MAGI1: variants seen among roughly 807,000 people sequenced by gnomAD.
MAGI1 encodes membrane associated guanylate kinase, WW and PDZ domain containing 1, also known as membrane-associated guanylate kinase, WW and PDZ domain-containing protein 1.
Under a neutral mutation model 139.9 loss-of-function variants are expected in MAGI1, and 58 were observed. The observed-to-expected ratio is 0.41, with a 90% CI of 0.34 to 0.52. The LOEUF is 0.52. Among genes scored for constraint, MAGI1 ranks in the 20% least tolerant of loss-of-function variants. The pLI is 0.12. For missense variants in MAGI1, 1,874 were observed against 1,901.6 expected (o/e 0.99, Z 0.27); for synonymous variants, 812 against 737.9 (o/e 1.10, Z -1.63).
chr3:66,032,165 T>C (rs575231111), intron 1 of MAGI1, among the ~76,000 whole-genome samples: 175 of 152,208 alleles, frequency 1.1e-3, no homozygotes, highest in African/African-American at 4.2e-3. Context: ...TCCGAAACAA[T>C]GGAATAGTCA....
intron 2 of MAGI1, among the ~76,000 whole-genome samples, chr3:65,530,657 GTGTGTATATA>G (rs2078619071): frequency 3.0e-5 from 2 of 67,144 alleles, no homozygotes; most frequent in Admixed American, 1.6e-4. Context: ...GTGTGTGTGT[GTGTGTATATA>G]TATATACATA....
intron 1 of MAGI1, among the ~76,000 whole-genome samples, chr3:66,007,468 A>G (rs2067086053): frequency 6.6e-6 from 1 of 152,224 alleles, no homozygotes; most frequent in African/African-American, 2.4e-5. Flanking sequence ...ACACTTGGAC[A>G]CAGCATGTCA....
intron 12 of MAGI1, among the ~76,000 whole-genome samples, chr3:65,423,520 G>A (rs150620248): frequency 1.2e-4 from 18 of 152,300 alleles, no homozygotes; most frequent in African/African-American, 3.8e-4. Flanking sequence ...AGAATTAAGA[G>A]GCATTACTTT....
At chr3:65,425,567 C>G (rs1317102814) in intron 12 of MAGI1, among the ~76,000 whole-genome samples, 1 of 152,172 alleles carries the variant, frequency 6.6e-6, no homozygotes, top group African/African-American at 2.4e-5. Context: ...TAGTACCCTT[C>G]TGAAGCATAT....
At chr3:65,885,120 C>T (rs943442244) in intron 1 of MAGI1, among the ~76,000 whole-genome samples, 4 of 152,054 alleles carry the variant, frequency 2.6e-5, no homozygotes, top group East Asian at 3.9e-4. Context: ...GTTTTCAGGT[C>T]GGGCGCAGCA....
At chr3:65,753,528 C>T (rs761496958) in intron 1 of MAGI1, among the ~76,000 whole-genome samples, 4 of 151,942 alleles carry the variant, frequency 2.6e-5, no homozygotes, top group Non-Finnish European at 4.4e-5. Context: ...TCGAGACCAG[C>T]CTGACCAACA....
chr3:66,012,581 C>T (rs897478816), intron 1 of MAGI1, among the ~76,000 whole-genome samples: 6 of 152,124 alleles, frequency 3.9e-5, no homozygotes, highest in Non-Finnish European at 8.8e-5. Context: ...GCCTGGCCAA[C>T]ATGGCGAAAC....
intron 2 of MAGI1, among the ~76,000 whole-genome samples, chr3:65,574,607 G>T (rs1043157121): frequency 6.6e-6 from 1 of 151,890 alleles, no homozygotes; most frequent in African/African-American, 2.4e-5. Context: ...TGGACAAAGT[G>T]ATTCTAAAAT....
rs1461883627 is a variant in MAGI1, at chr3:65,642,994, G to C, written c.314-20906C>G. Among the ~76,000 whole-genome samples, 3 of 152,218 alleles carry C rather than the reference G, an allele frequency of 2.0e-5. No individual in the cohort carries two copies. The East Asian group carries it at 5.8e-4, about 29-fold the overall frequency. On this transcript the variant is annotated intron_variant, in intron 1 of 22. Coordinates refer to ENST00000402939, the MANE Select transcript of MAGI1 (RefSeq NM_001033057.2). ...GAACAAGCCCTAACATAATATGCCA[G>C]AGAACACGTTTGACAAAACAGAAGT...
chr3:65,496,365 T>C (rs554949846), intron 2 of MAGI1, among the ~76,000 whole-genome samples: 1 of 152,254 alleles, frequency 6.6e-6, no homozygotes, highest in South Asian at 2.1e-4. Flanking sequence ...TAAAGCTCTT[T>C]GACTTCAAGG....
intron 10 of MAGI1, among the ~76,000 whole-genome samples, chr3:65,434,115 G>T (rs1947664416): frequency 6.6e-6 from 1 of 152,120 alleles, no homozygotes; most frequent in African/African-American, 2.4e-5. Flanking sequence ...CTTTCAAACA[G>T]AAGTTAAACT....
intron 16 of MAGI1, among the ~76,000 whole-genome samples, chr3:65,380,528 C>A (rs1185952184): frequency 6.6e-6 from 1 of 152,122 alleles, no homozygotes; most frequent in East Asian, 1.9e-4. Flanking sequence ...TCCTCCACCC[C>A]CCACCAACCA....
intron 1 of MAGI1, among the ~76,000 whole-genome samples, chr3:65,717,796 A>C (rs2032456662): frequency 6.6e-6 from 1 of 152,174 alleles, no homozygotes; most frequent in African/African-American, 2.4e-5. Context: ...TCCTGAACTA[A>C]TCACAGTGGC....
At chr3:65,478,207 T>C (rs562366074) in intron 4 of MAGI1, among the ~76,000 whole-genome samples, 12 of 152,206 alleles carry the variant, frequency 7.9e-5, no homozygotes, top group African/African-American at 2.9e-4. Context: ...TCTCATATTT[T>C]GCTTCATAGC....
intron 1 of MAGI1, among the ~76,000 whole-genome samples, chr3:66,025,364 C>A (rs1013246229): frequency 1.4e-5 from 2 of 145,676 alleles, no homozygotes; most frequent in South Asian, 2.3e-4. Flanking sequence ...GACAGTGAAA[C>A]CCTGTCTCTA....
chr3:65,809,608 GA>G (rs2041090604), intron 1 of MAGI1, among the ~76,000 whole-genome samples: 1 of 152,100 alleles, frequency 6.6e-6, no homozygotes, highest in Admixed American at 6.6e-5. Context: ...AGCTGTGATG[GA>G]AAACTCAACT....
chr3:65,756,445 G>A (rs969748121), intron 1 of MAGI1, among the ~76,000 whole-genome samples: 2 of 152,140 alleles, frequency 1.3e-5, no homozygotes, highest in Admixed American at 6.6e-5. Context: ...AAAAACATGA[G>A]CAAAGGTCAT....
At chr3:65,822,921 A>G (rs2042025837) in intron 1 of MAGI1, among the ~76,000 whole-genome samples, 2 of 152,196 alleles carry the variant, frequency 1.3e-5, no homozygotes, top group African/African-American at 4.8e-5. Flanking sequence ...GGGGATTACA[A>G]TTTGACATGA....
chr3:65,415,868 C>T (rs564627945), intron 12 of MAGI1, among the ~76,000 whole-genome samples: 6 of 152,138 alleles, frequency 3.9e-5, no homozygotes, highest in Non-Finnish European at 8.8e-5. Context: ...ATAAAACAGC[C>T]TTCTCTTCCT....
Sources: gnomAD v4.1 joint callset for allele counts (sites outside exome capture counted in the v4.1 genomes callset) on GRCh38, gnomAD v4.1.1 for gene constraint, MANE v1.5 for transcripts, NCBI Gene and HGNC (gene_info 2026-07-23, HGNC 2026-07-21) for gene names.